Variants in PCDH15 observed in about 807,000 individuals in gnomAD.
PCDH15 encodes the protein protocadherin-15.
PCDH15 carries 129 observed loss-of-function variants against 178.5 expected under a neutral mutation model. The observed-to-expected ratio is 0.72, with a 90% CI of 0.63 to 0.84. The LOEUF is 0.84. Among genes scored for constraint, PCDH15 ranks in the 40% least tolerant of loss-of-function variants. The probability of loss-of-function intolerance (pLI) is 0.00; values close to 1 mark genes in which losing one functional copy is unlikely to be tolerated. For synonymous variants in PCDH15, 800 were observed against 732.0 expected, an observed-to-expected ratio of 1.09 and a Z score of -1.50; for missense variants, 2,230 against 2,099.9, an observed-to-expected ratio of 1.06 and a Z score of -1.21.
chr10:53,871,204 C>T (rs1055595769), intron 26 of PCDH15, among the ~76,000 whole-genome samples: 11 of 150,726 alleles, frequency 7.3e-5, no homozygotes, highest in Non-Finnish European at 1.6e-4. Context: ...AGCTGGGCGT[C>T]GTGGCAGGCA....
At chr10:54,435,320 G>C (rs549628126) in intron 3 of PCDH15, among the ~76,000 whole-genome samples, 1 of 152,076 alleles carries the variant, frequency 6.6e-6, no homozygotes, top group African/African-American at 2.4e-5. Flanking sequence ...CTTTTACCTA[G>C]GTTGAATTCA....
At chr10:54,117,123 G>T (rs909664346) in intron 15 of PCDH15, among the ~76,000 whole-genome samples, 1 of 152,138 alleles carries the variant, frequency 6.6e-6, no homozygotes, top group Admixed American at 6.5e-5. Flanking sequence ...TGCTCGGTTT[G>T]TGCTACTGGC....
At chr10:54,405,911 A>T (rs2135546929) in intron 3 of PCDH15, among the ~76,000 whole-genome samples, 1 of 152,058 alleles carries the variant, frequency 6.6e-6, no homozygotes, top group Admixed American at 6.6e-5. Context: ...ATTGTTTCAC[A>T]ATTTTTAAAA....
chr10:55,107,898 A>G (rs1365471029), intron 2 of PCDH15, among the ~76,000 whole-genome samples: 1 of 152,176 alleles, frequency 6.6e-6, no homozygotes, highest in East Asian at 1.9e-4. Context: ...CTTCTGTTAT[A>G]GACTGACTAT....
At chr10:55,368,623 G>A (rs1378234968) in intron 2 of PCDH15, among the ~76,000 whole-genome samples, 1 of 152,060 alleles carries the variant, frequency 6.6e-6, no homozygotes, top group African/African-American at 2.4e-5. Flanking sequence ...TTTGTGAAAT[G>A]GACAGCTAAT....
At chr10:54,364,997 T>G (rs1946594940) in intron 5 of PCDH15, among the ~76,000 whole-genome samples, 1 of 152,110 alleles carries the variant, frequency 6.6e-6, no homozygotes. Context: ...GTCTTTGATC[T>G]CCCCTTATGC....
chr10:54,421,948 AAT>A (rs59968832), intron 3 of PCDH15, among the ~76,000 whole-genome samples: 7 of 89,904 alleles, frequency 7.8e-5, no homozygotes, highest in Admixed American at 2.9e-4. Flanking sequence ...TATATATAAA[AAT>A]ATATATATAT....
chr10:55,067,443 A>G (rs764576438), intron 2 of PCDH15, among the ~76,000 whole-genome samples: 2 of 151,978 alleles, frequency 1.3e-5, no homozygotes, highest in Non-Finnish European at 2.9e-5. Context: ...GTATTCCATT[A>G]TGTATATATA....
intron 2 of PCDH15, among the ~76,000 whole-genome samples, chr10:54,927,955 C>T (rs553237401): frequency 1.4e-4 from 21 of 151,960 alleles, no homozygotes; most frequent in South Asian, 4.2e-4. Flanking sequence ...AATATTGTTA[C>T]GTGTCGGTGT....
At chr10:54,247,983 T>G (rs1401866401) in intron 8 of PCDH15, among the ~76,000 whole-genome samples, 1 of 149,312 alleles carries the variant, frequency 6.7e-6, no homozygotes, top group Non-Finnish European at 1.5e-5. Flanking sequence ...ATGACATTCT[T>G]AATATGTGGA....
chr10:55,423,929 CTT>C (rs1023466773), intron 2 of PCDH15, among the ~76,000 whole-genome samples: 5 of 151,958 alleles, frequency 3.3e-5, no homozygotes, highest in African/African-American at 1.2e-4. Context: ...TCAGTTTACA[CTT>C]TGTTTTCAGT....
At chr10:53,840,250 C>A in intron 29 of PCDH15, 70 bp downstream of exon 29, 2 of 1,528,380 alleles carry the variant, frequency 1.3e-6, no homozygotes, top group East Asian at 4.5e-5. Flanking sequence ...GTACTTATAG[C>A]CTCAAGTCAG....
intron 1 of PCDH15, among the ~76,000 whole-genome samples, chr10:55,300,185 T>C (rs1843238491): frequency 6.6e-6 from 1 of 152,168 alleles, no homozygotes. Flanking sequence ...TATTTTATTG[T>C]TCTCCACAGA....
At chr10:53,885,651 G>A (rs2081040995) in intron 26 of PCDH15, among the ~76,000 whole-genome samples, 1 of 152,086 alleles carries the variant, frequency 6.6e-6, no homozygotes, top group African/African-American at 2.4e-5. Flanking sequence ...ATGGTGCTAA[G>A]ATAATACTAC....
intron 2 of PCDH15, among the ~76,000 whole-genome samples, chr10:55,102,014 C>A (rs1178982649): frequency 6.6e-6 from 1 of 151,592 alleles, no homozygotes; most frequent in East Asian, 1.9e-4. Flanking sequence ...CTTTTCTATT[C>A]TTTTAATTTT....
At chr10:54,008,679 C>T (rs1199107046) in intron 20 of PCDH15, among the ~76,000 whole-genome samples, 4 of 151,632 alleles carry the variant, frequency 2.6e-5, no homozygotes, top group Non-Finnish European at 2.9e-5. Context: ...ATCTATTTTT[C>T]GATCTGGGAA....
intron 30 of PCDH15, among the ~76,000 whole-genome samples, chr10:53,830,995 T>C (rs1564562379): frequency 6.6e-6 from 1 of 152,206 alleles, no homozygotes; most frequent in Non-Finnish European, 1.5e-5. Flanking sequence ...TACCCCAGGA[T>C]ACCTGTTACC....
chr10:55,343,597 G>C (rs1248940156), intron 2 of PCDH15, among the ~76,000 whole-genome samples: 1 of 150,652 alleles, frequency 6.6e-6, no homozygotes, highest in East Asian at 2.0e-4. Context: ...ATCTGAAAAA[G>C]AGATTCTAAT....
chr10:53,900,449 C>G (rs1249221592), intron 26 of PCDH15, among the ~76,000 whole-genome samples: 2 of 152,108 alleles, frequency 1.3e-5, no homozygotes, highest in African/African-American at 2.4e-5. Flanking sequence ...CTGAAGAAGT[C>G]CATGCATTCT....
Sources: allele counts gnomAD v4.1 joint callset (sites outside exome capture counted in the v4.1 genomes callset), GRCh38; gene constraint gnomAD v4.1.1; transcripts MANE v1.5; gene names NCBI Gene and HGNC (gene_info 2026-07-23, HGNC 2026-07-21).